The following KIF1B variants were observed in gnomAD, a reference collection of about 807,000 sequenced individuals.
KIF1B encodes the protein kinesin family member 1B.
A neutral mutation model predicts 241.9 loss-of-function variants in KIF1B; 76 were observed. That is an observed-to-expected ratio of 0.31 (90% CI 0.26 to 0.38). The LOEUF is 0.38. Ranked by LOEUF, KIF1B falls within the 10% of genes least tolerant of loss-of-function variation. KIF1B has a pLI of 1.00. For synonymous variants in KIF1B, 750 were observed against 796.7 expected (o/e 0.94, Z 0.99); for missense variants, 1,622 against 2,271.4 (o/e 0.71, Z 5.81).
intron 13 of KIF1B, 62 bp from the exon 14 acceptor site, chr1:10,279,035 C>CT (rs933964160): frequency 7.7e-5 from 96 of 1,246,658 alleles, no homozygotes; most frequent in Non-Finnish European, 1.1e-4. Context: ...TGTTCCCTCT[C>CT]TGTGTCACTG....
intron 5 of KIF1B, among the ~76,000 whole-genome samples, chr1:10,265,152 A>G (rs976022358): frequency 9.2e-5 from 14 of 152,006 alleles, no homozygotes; most frequent in African/African-American, 3.1e-4. Context: ...CTAAGATTAC[A>G]GGCATGAGCT....
chr1:10,226,309 A>G (rs1431190998), intron 1 of KIF1B, among the ~76,000 whole-genome samples: 3 of 152,206 alleles, frequency 2.0e-5, no homozygotes, highest in Admixed American at 6.5e-5. Flanking sequence ...ATTGAATGAA[A>G]TGCTGGAAGG....
intron 2 of KIF1B, among the ~76,000 whole-genome samples, chr1:10,247,207 A>G (rs1009595870): frequency 6.6e-6 from 1 of 152,204 alleles, no homozygotes; most frequent in Non-Finnish European, 1.5e-5. Flanking sequence ...CACTTTGGCC[A>G]CACAGCCTCA....
chr1:10,227,266 C>T lies in KIF1B; in HGVS notation c.-79-4984C>T, dbSNP rs1298092826. Among the ~76,000 whole-genome samples the T allele has an allele frequency of 3.3e-5, 5 of 151,978 alleles. No individual in the cohort carries two copies. The Middle Eastern group carries it at 0.014, about 414-fold the overall frequency. ...ACCAGGATGGTCTTGATTTCTTGACCTCGTGATCTACCCATCTCAGCCTCC... is the reference window on the plus strand; with the variant it reads ...ACCAGGATGGTCTTGATTTCTTGACTTCGTGATCTACCCATCTCAGCCTCC... On this transcript the variant is annotated intron_variant, in intron 1 of 48. Transcript: ENST00000676179.
intron 22 of KIF1B, chr1:10,305,120 A>G: frequency 9.4e-7 from 1 of 1,063,698 alleles, no homozygotes; most frequent in Middle Eastern, 4.3e-4. Flanking sequence ...CTGGGTGGGC[A>G]CAGCTTTGGA....
chr1:10,258,461 A>C, intron 3 of KIF1B, 32 bp from the exon 4 acceptor site: 1 of 1,589,928 alleles, frequency 6.3e-7, no homozygotes, highest in South Asian at 1.1e-5. Flanking sequence ...TATTAATAAA[A>C]GGTTATTTAT....
rs1445362826 is a variant in KIF1B, at chr1:10,374,173, C to T, written c.4947-143C>T. On this transcript the variant is annotated intron_variant, in intron 45 of 48. Transcript: ENST00000676179. The surrounding 1 kb of genome is among the most constrained non-coding windows in gnomAD (Gnocchi z 4.3). ...ACTTTCTGAAGCCAGCTTGTCTCCT[C>T]AGCTGAGCTCTCTGCAACTCAAGTT... 1.2e-6 allele frequency: 1 copy of T among 830,562 alleles called. No individual in the cohort carries two copies. The highest frequency in any genetic ancestry group is 1.7e-5 in the African/African-American group (1 of 59,414). 51.4% of individuals were successfully genotyped at this position (830,562 alleles called of 1,614,324 possible).
At chr1:10,351,723 T>G (rs1238109307) in intron 37 of KIF1B, among the ~76,000 whole-genome samples, 1 of 152,128 alleles carries the variant, frequency 6.6e-6, no homozygotes, top group Non-Finnish European at 1.5e-5. Flanking sequence ...CCCAGCACTT[T>G]GGGAGGCCAA....
At chr1:10,351,742 G>A (rs930642896) in intron 37 of KIF1B, among the ~76,000 whole-genome samples, 1 of 152,186 alleles carries the variant, frequency 6.6e-6, no homozygotes, top group Non-Finnish European at 1.5e-5. Flanking sequence ...AAGGCAGGAG[G>A]ATCGTTTGAG....
chr1:10,248,895 G>A (rs188701836), intron 2 of KIF1B, among the ~76,000 whole-genome samples: 1 of 152,298 alleles, frequency 6.6e-6, no homozygotes, highest in African/African-American at 2.4e-5. Context: ...TGTGTCCAGA[G>A]CAACCTAGAT....
At position 10,374,341 on chromosome 1, in the gene KIF1B, T is replaced by A. The variant is rs1200399803; in HGVS notation, c.4972T>A (p.Ser1658Thr). The change falls in exon 46 of 49, where the codon TCT (serine) becomes ACT (threonine). Residue 1658 changes from serine (S) to threonine (T), a missense_variant. This residue lies in a region of KIF1B where 357 missense variants were observed against 409.0 expected (regional missense o/e 0.87). Transcript: ENST00000676179. This position sits in a 1 kb window ranked among gnomAD's most constrained non-coding sequence, Gnocchi z 4.3. ...GACCCCAGAAGCCAATTCCCGGGCC[T>A]CTAGTCCCTGCCCAGAATTTGAACA... ...QKTPEANSRA[S>T]SPCPEFEQFQ... 4 of 1,614,028 alleles carry A rather than the reference T, an allele frequency of 2.5e-6. No homozygotes were observed. Among genetic ancestry groups the A allele is most frequent in the Non-Finnish European group, 2.5e-6 (3 of 1,180,004 alleles).
intron 2 of KIF1B, among the ~76,000 whole-genome samples, chr1:10,245,653 T>C (rs12755094): frequency 0.28 from 41,841 of 151,918 alleles, 5,884 homozygotes; most frequent in Admixed American, 0.33. Context: ...TGAAGGAAAA[T>C]TTAGGAAAAC....
At chr1:10,239,080 C>G (rs751015955) in intron 2 of KIF1B, among the ~76,000 whole-genome samples, 2 of 152,092 alleles carry the variant, frequency 1.3e-5, no homozygotes, top group Non-Finnish European at 2.9e-5. Context: ...TCTCCAGTAG[C>G]TGGGACCACA....
At chr1:10,242,325 C>T (rs1175042872) in intron 2 of KIF1B, among the ~76,000 whole-genome samples, 1 of 152,020 alleles carries the variant, frequency 6.6e-6, no homozygotes, top group African/African-American at 2.4e-5. Flanking sequence ...TGTACTTACA[C>T]AAACCTACAG....
chr1:10,259,991 T>C (rs1648037033), intron 4 of KIF1B, among the ~76,000 whole-genome samples: 1 of 152,150 alleles, frequency 6.6e-6, no homozygotes, highest in South Asian at 2.1e-4. Flanking sequence ...GAAGATTGTA[T>C]TTAAAATTTT....
intron 6 of KIF1B, 73 bp from the exon 7 acceptor site, chr1:10,268,079 G>T: frequency 2.2e-6 from 2 of 916,092 alleles, no homozygotes; most frequent in Non-Finnish European, 3.6e-6. Flanking sequence ...TGCTTATAAT[G>T]TGGAGCCTGC....
chr1:10,301,208 T>G (rs776689821), intron 22 of KIF1B, among the ~76,000 whole-genome samples: 1 of 152,190 alleles, frequency 6.6e-6, no homozygotes, highest in Non-Finnish European at 1.5e-5. Flanking sequence ...GGCAAGGTAC[T>G]ATTTATCAGT....
chr1:10,365,754 G>C lies in KIF1B; in HGVS notation c.4752+106G>C, dbSNP rs949742159. ...CTTTGTTCGAGGTGTTTGAAGGCCT[G>C]TGATAATACTGTGAATGTAGAAATA... On this transcript the variant is annotated intron_variant, in intron 43 of 48. Coordinates refer to ENST00000676179, the MANE Select transcript of KIF1B (RefSeq NM_001365951.3). The surrounding 1 kb of genome is among the most constrained non-coding windows in gnomAD (Gnocchi z 4.0). The C allele has an allele frequency of 6.9e-7, 1 of 1,455,278 alleles. No homozygotes were observed. Among genetic ancestry groups the C allele is most frequent in the South Asian group, 1.2e-5 (1 of 86,592 alleles). The allele number at this position is 1,455,278 out of a possible 1,614,324, so 90.1% of individuals were successfully genotyped here. A position where few individuals can be genotyped will look rare whatever the true frequency, so the allele number is the denominator to read the frequency against.
chr1:10,228,755 G>A (rs1279713259), intron 1 of KIF1B, among the ~76,000 whole-genome samples: 1 of 152,166 alleles, frequency 6.6e-6, no homozygotes, highest in Non-Finnish European at 1.5e-5. Context: ...CTAGGTATGT[G>A]GTAGTAAGGA....
Sources: gnomAD v4.1 joint callset for allele counts (sites outside exome capture counted in the v4.1 genomes callset) on GRCh38, gnomAD v4.1.1 for gene constraint, gnomAD v4.1.1 regional missense constraint, Gnocchi (gnomAD v3.1) non-coding constraint, MANE v1.5 for transcripts, NCBI Gene and HGNC (gene_info 2026-07-23, HGNC 2026-07-21) for gene names.